CORO1C: variants seen among roughly 807,000 people sequenced by gnomAD.
The protein encoded by CORO1C is coronin-1C.
In CORO1C, 14 loss-of-function variants were observed where a neutral mutation model predicts 51.2. The observed-to-expected ratio is 0.27, with a 90% confidence interval of 0.18 to 0.43. CORO1C has a LOEUF of 0.43. CORO1C is among the 20% of genes least tolerant of loss of function. The probability of loss-of-function intolerance (pLI) is 1.00; values close to 1 mark genes in which losing one functional copy is unlikely to be tolerated. For synonymous variants in CORO1C, 181 were observed against 210.5 expected (o/e 0.86, Z 1.21); for missense variants, 417 against 607.8 (o/e 0.69, Z 3.30).
intron 2 of CORO1C, among the ~76,000 whole-genome samples, chr12:108,686,638 T>C (rs985298175): frequency 1.3e-5 from 2 of 152,244 alleles, no homozygotes; most frequent in African/African-American, 2.4e-5. Context: ...TCACATGCCA[T>C]AGGATAGCTT....
chr12:108,692,265 G>A (rs2034523865), intron 2 of CORO1C, among the ~76,000 whole-genome samples: 1 of 152,146 alleles, frequency 6.6e-6, no homozygotes. Flanking sequence ...CAGTGAATGG[G>A]CATCCCACGA....
chr12:108,662,473 C>T (rs1023841710), intron 3 of CORO1C, among the ~76,000 whole-genome samples: 1 of 152,246 alleles, frequency 6.6e-6, no homozygotes, highest in African/African-American at 2.4e-5. Context: ...TCCCAAGTAT[C>T]GGCTGTTTTT....
At chr12:108,722,139 T>A (rs1051330365) in intron 1 of CORO1C, among the ~76,000 whole-genome samples, 1 of 152,118 alleles carries the variant, frequency 6.6e-6, no homozygotes, top group Non-Finnish European at 1.5e-5. Flanking sequence ...AAAGAGACAA[T>A]CTGTTTATCA....
At chr12:108,663,210 G>C (rs1210332473) in intron 3 of CORO1C, among the ~76,000 whole-genome samples, 1 of 152,242 alleles carries the variant, frequency 6.6e-6, no homozygotes, top group Non-Finnish European at 1.5e-5. Flanking sequence ...TGCACACATG[G>C]CTGGTGAAAA....
chr12:108,693,646 T>G (rs2034571375), intron 2 of CORO1C, among the ~76,000 whole-genome samples: 1 of 152,152 alleles, frequency 6.6e-6, no homozygotes, highest in African/African-American at 2.4e-5. Flanking sequence ...ATAAATGATT[T>G]GTTTATCTTC....
At chr12:108,705,296 T>C (rs2034994078) in intron 1 of CORO1C, among the ~76,000 whole-genome samples, 1 of 151,448 alleles carries the variant, frequency 6.6e-6, no homozygotes, top group East Asian at 1.9e-4. Context: ...TTAGGCAACA[T>C]GGTGAAACCC....
chr12:108,707,396 A>G (rs2035057843), intron 1 of CORO1C, among the ~76,000 whole-genome samples: 1 of 152,230 alleles, frequency 6.6e-6, no homozygotes, highest in Admixed American at 6.5e-5. Flanking sequence ...ATCTTTGGTC[A>G]ACTGATTTTC....
At chr12:108,689,223 C>A (rs12581386) in intron 2 of CORO1C, among the ~76,000 whole-genome samples, 8,671 of 152,068 alleles carry the variant, frequency 0.057, 509 homozygotes, top group East Asian at 0.32. Flanking sequence ...AAAGATGGAT[C>A]AATCTGATAA....
intron 1 of CORO1C, among the ~76,000 whole-genome samples, chr12:108,714,707 A>G (rs2035280730): frequency 6.6e-6 from 1 of 151,368 alleles, no homozygotes. Context: ...AGGTTGCAGT[A>G]AGCCAAGATC....
chr12:108,729,885 C>T (rs1397116454), intron 1 of CORO1C, among the ~76,000 whole-genome samples: 1 of 152,086 alleles, frequency 6.6e-6, no homozygotes, highest in African/African-American at 2.4e-5. Flanking sequence ...CTGTCTATTC[C>T]AGCAGGCCCT....
At chr12:108,664,644 C>T (rs2033404433) in intron 3 of CORO1C, among the ~76,000 whole-genome samples, 1 of 152,204 alleles carries the variant, frequency 6.6e-6, no homozygotes, top group Non-Finnish European at 1.5e-5. Flanking sequence ...CCTCTCCCTC[C>T]CTCTGCGGAA....
At chr12:108,717,579 A>G (rs764436209) in intron 1 of CORO1C, among the ~76,000 whole-genome samples, 24 of 152,204 alleles carry the variant, frequency 1.6e-4, no homozygotes, top group Non-Finnish European at 3.2e-4. Context: ...ATGGAGCCAA[A>G]AGACTTGAAG....
intron 9 of CORO1C, 41 bp downstream of exon 9, chr12:108,648,922 T>C (rs80288490): frequency 1.2e-4 from 194 of 1,611,180 alleles, no homozygotes; most frequent in Non-Finnish European, 1.5e-4. Context: ...TATTTTTACA[T>C]TTGTTTAAAA....
Position 108,648,870 on chromosome 12 carries a change from C to T in CORO1C, c.1060-20G>A. On this transcript the variant is annotated intron_variant, in intron 9 of 10. Coordinates refer to ENST00000261401, the MANE Select transcript of CORO1C (RefSeq NM_014325.4). ...GTCAGACTACAAGAGACATTTGGCACCCGTGGGTAAGGAAGAAGAAAGGCC... is the reference window on the plus strand; with the variant it reads ...GTCAGACTACAAGAGACATTTGGCATCCGTGGGTAAGGAAGAAGAAAGGCC... 1.2e-6 allele frequency: 2 copies of T among 1,613,846 alleles called. No individual in the cohort carries two copies. The highest frequency in any genetic ancestry group is 1.7e-6 in the Non-Finnish European group (2 of 1,179,922).
At chr12:108,723,041 T>C (rs1226334178) in intron 1 of CORO1C, among the ~76,000 whole-genome samples, 1 of 152,214 alleles carries the variant, frequency 6.6e-6, no homozygotes, top group African/African-American at 2.4e-5. Flanking sequence ...TTATTAAATA[T>C]CACCCCCAAA....
intron 4 of CORO1C, among the ~76,000 whole-genome samples, chr12:108,661,281 G>A (rs1035615345): frequency 6.6e-6 from 1 of 152,112 alleles, no homozygotes. Context: ...AGAAATAGGG[G>A]ACTTATCAAG....
chr12:108,728,657 A>G (rs1303855425), intron 1 of CORO1C, among the ~76,000 whole-genome samples: 1 of 152,214 alleles, frequency 6.6e-6, no homozygotes, highest in Non-Finnish European at 1.5e-5. Flanking sequence ...TAGAAATACA[A>G]AGTACTCAGA....
At chr12:108,706,204 A>C (rs1055078069) in intron 1 of CORO1C, among the ~76,000 whole-genome samples, 2 of 151,256 alleles carry the variant, frequency 1.3e-5, no homozygotes, top group Non-Finnish European at 2.9e-5. Context: ...AACAAAAAAA[A>C]CAAAAAAAAA....
intron 2 of CORO1C, among the ~76,000 whole-genome samples, chr12:108,700,491 C>A (rs942605218): frequency 7.2e-5 from 11 of 152,080 alleles, no homozygotes; most frequent in Non-Finnish European, 4.4e-5. Context: ...GGCTTGGAAC[C>A]CTACTGAAGT....
Sources: gnomAD v4.1 joint callset for allele counts (sites outside exome capture counted in the v4.1 genomes callset) on GRCh38, gnomAD v4.1.1 for gene constraint, MANE v1.5 for transcripts, NCBI Gene and HGNC (gene_info 2026-07-23, HGNC 2026-07-21) for gene names.